EYS: variants seen among roughly 807,000 people sequenced by gnomAD.
EYS encodes the protein protein eyes shut homolog.
Under a neutral mutation model 282.1 loss-of-function variants are expected in EYS, and 250 were observed. That is an observed-to-expected ratio of 0.89 (90% CI 0.80 to 0.98). The LOEUF is 0.98. Among genes scored for constraint, EYS ranks in the 50% least tolerant of loss-of-function variants. The pLI, the probability that EYS is intolerant of heterozygous loss-of-function variation, is 0.00. For missense variants in EYS, 4,016 were observed against 3,709.0 expected (o/e 1.08, Z -2.15); for synonymous variants, 1,355 against 1,282.9 (o/e 1.06, Z -1.20).
rs1011732369 is a variant in EYS at position 63,934,036 on chromosome 6, T to A, written c.7055+50347A>T. Among the ~76,000 whole-genome samples the A allele has an allele frequency of 4.6e-5, 7 of 152,092 alleles. No individual in the cohort carries two copies. In the South Asian group the frequency reaches 6.2e-4, roughly 14 times the overall value. ...AAGGGCTAATATCCAGAATCTACAA[T>A]GAACTCAAACAAATTTACAAGAAAA... On this transcript the variant is annotated intron_variant, in intron 35 of 42. Transcript: ENST00000503581.
intron 14 of EYS, among the ~76,000 whole-genome samples, chr6:64,955,412 A>G (rs1355851577): frequency 6.6e-6 from 1 of 152,160 alleles, no homozygotes. Context: ...GGGAGAGGAC[A>G]TAGTTAGAGG....
chr6:64,534,974 G>C (rs1195693337), intron 26 of EYS, among the ~76,000 whole-genome samples: 2 of 151,918 alleles, frequency 1.3e-5, no homozygotes, highest in African/African-American at 4.8e-5. Flanking sequence ...TTTTCTCAAT[G>C]AATCTCCTTT....
At chr6:65,327,906 A>C (rs182361246) in intron 11 of EYS, among the ~76,000 whole-genome samples, 209 of 151,582 alleles carry the variant, frequency 1.4e-3, no homozygotes, top group African/African-American at 4.8e-3. Context: ...TATAGTTAAA[A>C]AATTCTAAGA....
intron 12 of EYS, among the ~76,000 whole-genome samples, chr6:65,121,459 C>T (rs575319086): frequency 1.3e-5 from 2 of 152,114 alleles, no homozygotes; most frequent in Non-Finnish European, 2.9e-5. Context: ...ACTAAATTTT[C>T]ATGTGGTGTG....
chr6:64,611,742 T>C (rs565574611), intron 24 of EYS, among the ~76,000 whole-genome samples: 4 of 152,182 alleles, frequency 2.6e-5, no homozygotes, highest in Non-Finnish European at 4.4e-5. Flanking sequence ...AAGACTAGTG[T>C]ATATGTATTT....
chr6:65,204,652 A>G (rs972655611), intron 12 of EYS, among the ~76,000 whole-genome samples: 1 of 151,852 alleles, frequency 6.6e-6, no homozygotes, highest in Non-Finnish European at 1.5e-5. Context: ...GTTACTAGCT[A>G]ACAAAACTAT....
chr6:65,673,304 G>A (rs185600888), intron 1 of EYS, among the ~76,000 whole-genome samples: 3 of 152,196 alleles, frequency 2.0e-5, no homozygotes, highest in Non-Finnish European at 2.9e-5. Flanking sequence ...CGTAGAGTGG[G>A]AGAGATTAAG....
chr6:64,051,418 C>A (rs927944404), intron 33 of EYS, among the ~76,000 whole-genome samples: 4 of 152,004 alleles, frequency 2.6e-5, no homozygotes, highest in Non-Finnish European at 5.9e-5. Flanking sequence ...GGAAAAATAC[C>A]TTTCCTTAAT....
chr6:63,974,318 T>TA (rs200146439), intron 35 of EYS, among the ~76,000 whole-genome samples: 465 of 151,824 alleles, frequency 3.1e-3, no homozygotes, highest in African/African-American at 0.011. Context: ...CTTTTCCTAC[T>TA]AAAAAAAACC....
intron 12 of EYS, among the ~76,000 whole-genome samples, chr6:65,136,958 A>C (rs1490360330): frequency 1.3e-5 from 2 of 152,148 alleles, no homozygotes; most frequent in Non-Finnish European, 2.9e-5. Flanking sequence ...CTGGGATTAC[A>C]GGTGTGAGCC....
intron 2 of EYS, among the ~76,000 whole-genome samples, chr6:65,532,695 T>C (rs1460326892): frequency 6.6e-6 from 1 of 152,064 alleles, no homozygotes; most frequent in Non-Finnish European, 1.5e-5. Context: ...GTCTGACAAA[T>C]AACAGAGATT....
Position 65,188,228 on chromosome 6 carries a change from C to A in EYS, c.2023+107635G>T, listed in dbSNP as rs911521779. On this transcript the variant is annotated intron_variant, in intron 12 of 42. Transcript: ENST00000503581. ...CTAGAAGTTTCTTCTGTTCTCAATT[C>A]AACTGGAAGATAATTGTCTTGACTA... Among the ~76,000 whole-genome samples the A allele has an allele frequency of 1.9e-4, 29 of 151,638 alleles. No individual in the cohort carries two copies. In the East Asian group the frequency reaches 2.7e-3, roughly 14 times the overall value.
In EYS at chr6:64,784,752, T is replaced by A. The variant is rs573646417; in HGVS notation, c.3443+28626A>T. 1.1e-4 allele frequency among the ~76,000 whole-genome samples: 16 copies of A among 152,314 alleles called. No homozygotes were observed. In the East Asian group the frequency reaches 2.9e-3, roughly 28 times the overall value. On this transcript the variant is annotated intron_variant, in intron 22 of 42. Transcript: ENST00000503581. ...CCACTTTTCACACAGACTGGCATTT[T>A]CAAATTCTCGGGTTTTTTTTCCCCT...
At chr6:64,133,515 C>CAG (rs879398649) in intron 31 of EYS, among the ~76,000 whole-genome samples, 546 of 149,608 alleles carry the variant, frequency 3.6e-3, no homozygotes, top group Non-Finnish European at 4.1e-3. Context: ...CACACACACA[C>CAG]AGAGAAATCC....
At position 65,417,790 on chromosome 6, in the gene EYS, AG is replaced by A. The variant is rs376019445; in HGVS notation, c.863-12424del. Among the ~76,000 whole-genome samples the A allele has an allele frequency of 5.3e-4, 80 of 152,164 alleles. 1 individual carries two copies. The highest frequency in any genetic ancestry group is 5.0e-3 in the East Asian group (26 of 5,178). On this transcript the variant is annotated intron_variant, in intron 5 of 42. Transcript: ENST00000503581. Reference sequence around the variant, plus strand: ...TAAGCAAGGTGACTGAGGCACAAGGAGGATAGTCTAGAAACATTCCATCTCT... The same window carrying A: ...TAAGCAAGGTGACTGAGGCACAAGGAGATAGTCTAGAAACATTCCATCTCT...
At chr6:64,681,445 A>G (rs1256659364) in intron 22 of EYS, among the ~76,000 whole-genome samples, 1 of 152,202 alleles carries the variant, frequency 6.6e-6, no homozygotes, top group Non-Finnish European at 1.5e-5. Flanking sequence ...ACTAGGGCAA[A>G]TACTAGAAAG....
intron 2 of EYS, among the ~76,000 whole-genome samples, chr6:65,512,864 A>G (rs933833841): frequency 6.6e-6 from 1 of 152,184 alleles, no homozygotes; most frequent in Non-Finnish European, 1.5e-5. Context: ...ACACCCTAAC[A>G]TCATAATTAA....
chr6:64,762,310 A>G, intron 22 of EYS, among the ~76,000 whole-genome samples: 1 of 152,228 alleles, frequency 6.6e-6, no homozygotes. Context: ...CAGAAGGCAA[A>G]AGCTAACTAC....
At chr6:65,367,249 C>T (rs1351200345) in intron 8 of EYS, among the ~76,000 whole-genome samples, 1 of 151,614 alleles carries the variant, frequency 6.6e-6, no homozygotes, top group Non-Finnish European at 1.5e-5. Flanking sequence ...GATAGAATGG[C>T]TCTAAATCCT....
Sources: gnomAD v4.1 joint callset for allele counts (sites outside exome capture counted in the v4.1 genomes callset) on GRCh38, gnomAD v4.1.1 for gene constraint, MANE v1.5 for transcripts, NCBI Gene and HGNC (gene_info 2026-07-23, HGNC 2026-07-21) for gene names.